Variants in MACF1 observed in about 807,000 individuals in gnomAD.
MACF1 encodes microtubule actin crosslinking factor 1.
In MACF1, 193 loss-of-function variants were observed where a neutral mutation model predicts 854.8. That is an observed-to-expected ratio of 0.23 (90% CI 0.20 to 0.25). The LOEUF is 0.25. MACF1 is among the 10% of genes least tolerant of loss of function. The pLI, the probability that MACF1 is intolerant of heterozygous loss-of-function variation, is 1.00. For missense variants in MACF1, 7,722 were observed against 8,929.1 expected (o/e 0.86, Z 5.45); for synonymous variants, 3,185 against 3,226.7 (o/e 0.99, Z 0.44).
At chr1:39,427,433 C>G in intron 61 of MACF1, 22 bp from the exon 62 acceptor site, 2 of 1,608,382 alleles carry the variant, frequency 1.2e-6, no homozygotes, top group Non-Finnish European at 1.7e-6. Flanking sequence ...TCCTGAGCAG[C>G]TTGTTCTATA....
In MACF1 at chr1:39,333,293, G is replaced by A. The variant is rs760053920; in HGVS notation, c.6705G>A (p.Leu2235=). The change falls in exon 37 of 101, where the codon CTG becomes CTA. Residue 2235 remains leucine, a synonymous_variant. Transcript: ENST00000564288. The part of the protein sequence containing the change: ...DKKEMLKKTF[L]AKDDHKESQE... ...AGGAAATGTTAAAGAAAACATTTCT[G>A]GCTAAGGATGACCATAAAGAAAGTC... The A allele has an allele frequency of 6.2e-7, 1 of 1,614,110 alleles. No homozygotes were observed. The highest frequency in any genetic ancestry group is 8.5e-7 in the Non-Finnish European group (1 of 1,180,034).
chr1:39,324,161 C>A, intron 33 of MACF1, 32 bp from the exon 34 acceptor site: 2 of 1,567,408 alleles, frequency 1.3e-6, no homozygotes, highest in Non-Finnish European at 1.7e-6. Context: ...AAAGACATTG[C>A]TAGCATATTG....
At chr1:39,415,848 A>G (rs552381174) in intron 58 of MACF1, among the ~76,000 whole-genome samples, 1 of 152,318 alleles carries the variant, frequency 6.6e-6, no homozygotes, top group Admixed American at 6.5e-5. Context: ...AACACAAGAG[A>G]TGACTGAGTG....
At chr1:39,209,923 T>C (rs1644496232) in intron 1 of MACF1, among the ~76,000 whole-genome samples, 1 of 151,990 alleles carries the variant, frequency 6.6e-6, no homozygotes, top group African/African-American at 2.4e-5. Flanking sequence ...ACCCCATCTC[T>C]ACCAAAAAAT....
In MACF1 at chr1:39,388,256, G is replaced by A. The variant is rs768150363; in HGVS notation, c.15414G>A (p.Leu5138=). The stretch of plus-strand genomic sequence containing the variant: ...AGATGTTCTCTCAATTGGCAGACCT[G>A]GATGATGAGCTAGATGGCATGGGTG... The part of the protein sequence containing the change: ...VREMFSQLAD[L]DDELDGMGAI... The change falls in exon 58 of 101, where the codon CTG becomes CTA. Residue 5138 remains leucine, a synonymous_variant. Transcript: ENST00000564288. The A allele has an allele frequency of 5.1e-5, 82 of 1,614,084 alleles. No homozygotes were observed. Among genetic ancestry groups the A allele is most frequent in the Non-Finnish European group, 6.9e-5 (81 of 1,180,046 alleles).
In MACF1 at chr1:39,296,811, A is replaced by AAAGGAAGGAAGG. The variant is rs751164815; in HGVS notation, c.2356-786_2356-775dup. ...AAGAAAGGAAGGAAGGAAAAGAAAG[A>AAAGGAAGGAAGG]AAGGAAGGAAGGAAGGAAGGAAGGA... On this transcript the variant is annotated intron_variant, in intron 20 of 100. Coordinates refer to ENST00000564288, the MANE Select transcript of MACF1 (RefSeq NM_001394062.1). Among the ~76,000 whole-genome samples the AAAGGAAGGAAGG allele has an allele frequency of 1.3e-3, 137 of 106,390 alleles. 2 individuals are homozygous for AAAGGAAGGAAGG. Among genetic ancestry groups the AAAGGAAGGAAGG allele is most frequent in the African/African-American group, 7.1e-3 (128 of 17,942 alleles). 69.8% of individuals were successfully genotyped at this position (106,390 alleles called of 152,430 possible).
intron 58 of MACF1, among the ~76,000 whole-genome samples, chr1:39,418,391 T>C (rs1487435595): frequency 6.6e-6 from 1 of 152,194 alleles, no homozygotes; most frequent in Non-Finnish European, 1.5e-5. Context: ...TTTATTGTGG[T>C]TAGTATTTAA....
chr1:39,442,963 CCTAT>C (rs774172742), intron 78 of MACF1, 52 bp downstream of exon 78: 2 of 1,538,344 alleles, frequency 1.3e-6, no homozygotes, highest in South Asian at 2.3e-5. Flanking sequence ...TAACAGAAAG[CCTAT>C]CTAAGTCAGA....
At chr1:39,371,144 C>A (rs1002791040) in intron 51 of MACF1, among the ~76,000 whole-genome samples, 2 of 151,750 alleles carry the variant, frequency 1.3e-5, no homozygotes, top group Non-Finnish European at 2.9e-5. Flanking sequence ...GATGGTGAAA[C>A]CCCATCTCTA....
At chr1:39,396,456 TAAG>T (rs1278307138) in intron 58 of MACF1, among the ~76,000 whole-genome samples, 5 of 152,284 alleles carry the variant, frequency 3.3e-5, no homozygotes, top group Non-Finnish European at 7.3e-5. Flanking sequence ...ATCATTTGTA[TAAG>T]AAGGAAGAAA....
At chr1:39,302,088 C>T (rs1646057809) in intron 22 of MACF1, among the ~76,000 whole-genome samples, 1 of 152,128 alleles carries the variant, frequency 6.6e-6, no homozygotes. Flanking sequence ...CTTGACCTCC[C>T]TGGGCTCAGG....
In MACF1 at chr1:39,399,438, G is replaced by A. The variant is rs532666071; in HGVS notation, c.15816+10780G>A. Among the ~76,000 whole-genome samples the A allele has an allele frequency of 1.1e-3, 160 of 145,806 alleles. 1 individual carries two copies. The highest frequency in any genetic ancestry group is 3.8e-3 in the African/African-American group (147 of 39,060). On this transcript the variant is annotated intron_variant, in intron 58 of 100. Transcript: ENST00000564288. ...CACCCAGGCTGGAGTGCAGTGGTGC[G>A]ATCTCGGCTCACTGCAATTTCTGAC...
At chr1:39,245,748 CATTT>C (rs948254761) in intron 2 of MACF1, among the ~76,000 whole-genome samples, 4 of 152,242 alleles carry the variant, frequency 2.6e-5, no homozygotes, top group African/African-American at 9.6e-5. Flanking sequence ...TTTATTCATT[CATTT>C]ATTTATTCAT....
intron 6 of MACF1, among the ~76,000 whole-genome samples, chr1:39,264,688 AC>A (rs1645209857): frequency 8.7e-6 from 1 of 115,368 alleles, no homozygotes; most frequent in Non-Finnish European, 1.7e-5. Flanking sequence ...TTTTTTTGAG[AC>A]GGAGTCTCGC....
At chr1:39,165,557 A>G (rs1557492662) in intron 2 of MACF1, among the ~76,000 whole-genome samples, 1 of 152,144 alleles carries the variant, frequency 6.6e-6, no homozygotes, top group Non-Finnish European at 1.5e-5. Context: ...CTATTTCTCA[A>G]AGAGTGAGCC....
chr1:39,164,828 A>G (rs993790780), intron 2 of MACF1, among the ~76,000 whole-genome samples: 5 of 152,214 alleles, frequency 3.3e-5, no homozygotes, highest in African/African-American at 1.2e-4. Context: ...TACTGTGTCA[A>G]CACACCCCTG....
intron 2 of MACF1, among the ~76,000 whole-genome samples, chr1:39,137,213 A>G (rs749571141): frequency 3.9e-5 from 6 of 152,120 alleles, no homozygotes; most frequent in Non-Finnish European, 8.8e-5. Context: ...GCAATTACAG[A>G]TGTACACCAC....
intron 58 of MACF1, chr1:39,411,849 A>T: frequency 6.2e-7 from 1 of 1,613,930 alleles, no homozygotes; most frequent in Non-Finnish European, 8.5e-7. Flanking sequence ...ATGTAAGGGC[A>T]AAAGATTATG....
At position 39,285,330 on chromosome 1, in the gene MACF1, C is replaced by G. The variant is rs2148386106; in HGVS notation, c.1293C>G (p.Ile431Met). The change falls in exon 13 of 101, where the codon ATC becomes ATG. Residue 431 changes from isoleucine (I) to methionine (M), a missense_variant. Physicochemically the swap from Ile to Met is conservative, Grantham distance 10 (BLOSUM62 1). Transcript: ENST00000564288. ...TGCTGCTACAGATTGCAAACAAAAT[C>G]CAGAATGGTGCTTTGAACTGTGAAG... ...LELLLQIANK[I>M]QNGALNCEEK... The G allele has an allele frequency of 1.2e-6, 2 of 1,614,070 alleles. No individual in the cohort carries two copies. Among genetic ancestry groups the G allele is most frequent in the Non-Finnish European group, 1.7e-6 (2 of 1,179,996 alleles).
Sources: gnomAD v4.1 joint callset for allele counts (sites outside exome capture counted in the v4.1 genomes callset) on GRCh38, gnomAD v4.1.1 for gene constraint, MANE v1.5 for transcripts, NCBI Gene and HGNC (gene_info 2026-07-23, HGNC 2026-07-21) for gene names.